Variants in PCBP3 observed in about 807,000 individuals in gnomAD.
PCBP3 encodes the protein poly(rC) binding protein 3.
PCBP3 carries 25 observed loss-of-function variants against 52.7 expected under a neutral mutation model. The observed-to-expected ratio is 0.47, with a 90% confidence interval of 0.35 to 0.66. The LOEUF is 0.66. Among genes scored for constraint, PCBP3 ranks in the 30% least tolerant of loss-of-function variants. PCBP3 has a pLI of 0.01. For missense variants in PCBP3, 391 were observed against 490.3 expected (o/e 0.80, Z 1.91); for synonymous variants, 162 against 183.0 (o/e 0.89, Z 0.93).
chr21:45,662,247 A>G (rs1284012402), intron 1 of PCBP3, among the ~76,000 whole-genome samples: 2 of 147,394 alleles, frequency 1.4e-5, no homozygotes, highest in Non-Finnish European at 3.0e-5. Flanking sequence ...AGTTGGGACT[A>G]CAGGTATGTG....
intron 2 of PCBP3, among the ~76,000 whole-genome samples, chr21:45,685,222 A>G (rs1388193726): frequency 6.6e-6 from 1 of 152,192 alleles, no homozygotes; most frequent in Non-Finnish European, 1.5e-5. Flanking sequence ...TAACATGGGG[A>G]ATGGGTTTTA....
Position 45,837,293 on chromosome 21 carries a change from G to A in PCBP3, c.-125-12668G>A, listed in dbSNP as rs953477804. The stretch of plus-strand genomic sequence containing the variant: ...GTGCTGTGACTTTGATGCACCTCCC[G>A]CCAGGGAGGGGATCGTGACCCTCCC... On this transcript the variant is annotated intron_variant, in intron 4 of 17. Transcript: ENST00000681687. The surrounding 1 kb of genome is among the most constrained non-coding windows in gnomAD (Gnocchi z 4.1). Among the ~76,000 whole-genome samples the A allele has an allele frequency of 1.3e-5, 2 of 152,172 alleles. No homozygotes were observed. The highest frequency in any genetic ancestry group is 2.4e-5 in the African/African-American group (1 of 41,446).
intron 1 of PCBP3, among the ~76,000 whole-genome samples, chr21:45,651,363 A>G (rs2079672489): frequency 1.3e-5 from 2 of 152,218 alleles, no homozygotes; most frequent in Admixed American, 6.5e-5. Flanking sequence ...TTGTGTAGAA[A>G]AATTGGAAGA....
intron 1 of PCBP3, among the ~76,000 whole-genome samples, chr21:45,650,909 T>C (rs76354330): frequency 0.026 from 3,930 of 152,192 alleles, 185 homozygotes; most frequent in African/African-American, 0.09. Context: ...CATACCTAAT[T>C]TCAGATGGGG....
chr21:45,862,029 C>A (rs2094528914), intron 5 of PCBP3, among the ~76,000 whole-genome samples: 1 of 152,120 alleles, frequency 6.6e-6, no homozygotes, highest in Non-Finnish European at 1.5e-5. Context: ...AACGCTGTGT[C>A]CCCATGGTGG....
At chr21:45,694,158 C>CA in intron 2 of PCBP3, among the ~76,000 whole-genome samples, 1 of 151,944 alleles carries the variant, frequency 6.6e-6, no homozygotes, top group African/African-American at 2.4e-5. Flanking sequence ...ATAAAGTAAC[C>CA]AAAGAACCAC....
intron 15 of PCBP3, among the ~76,000 whole-genome samples, chr21:45,933,928 A>G (rs2076592793): frequency 6.6e-6 from 1 of 151,970 alleles, no homozygotes; most frequent in African/African-American, 2.4e-5. Context: ...GGTGGTGGGG[A>G]GGAACAGGAG....
intron 14 of PCBP3, among the ~76,000 whole-genome samples, chr21:45,930,492 A>G (rs1488238777): frequency 6.6e-6 from 1 of 152,174 alleles, no homozygotes; most frequent in Non-Finnish European, 1.5e-5. Context: ...AGTCGCTGTC[A>G]TGAGGCCATC....
chr21:45,937,963 G>T lies in PCBP3; in HGVS notation c.910-2067G>T, dbSNP rs184985813. Among the ~76,000 whole-genome samples the T allele has an allele frequency of 3.6e-3, 544 of 152,384 alleles. 3 individuals carry two copies. Among genetic ancestry groups the T allele is most frequent in the African/African-American group, 0.013 (530 of 41,590 alleles). On this transcript the variant is annotated intron_variant, in intron 16 of 17. Coordinates refer to ENST00000681687, the MANE Select transcript of PCBP3 (RefSeq NM_001384156.1). ...GACCCCACAGCTGTGTGCAGAGGAG[G>T]GGAAAGGCCTGTGGCAAAGGCAGCA...
intron 5 of PCBP3, among the ~76,000 whole-genome samples, chr21:45,874,285 G>A (rs1474917797): frequency 6.6e-6 from 1 of 152,192 alleles, no homozygotes; most frequent in Non-Finnish European, 1.5e-5. Context: ...GCTTGTCTAT[G>A]GAATTAATCT....
At chr21:45,914,325 A>C (rs1350356813) in intron 12 of PCBP3, 11 of 511,378 alleles carry the variant, frequency 2.2e-5, no homozygotes, top group East Asian at 3.4e-5. Context: ...GGAAGCTTAG[A>C]TAGCCGGCGC....
chr21:45,877,076 G>T (rs908049933), intron 5 of PCBP3, among the ~76,000 whole-genome samples: 1 of 152,240 alleles, frequency 6.6e-6, no homozygotes, highest in Non-Finnish European at 1.5e-5. Context: ...CCATCCCCCA[G>T]CAAACAAGCC....
In PCBP3 at chr21:45,750,877, T is replaced by TGG. The variant is rs1603380848; in HGVS notation, c.-161-4539_-161-4538insGG. 6.3e-5 allele frequency: 8 copies of TGG among 127,590 alleles called. No individual in the cohort carries two copies. The East Asian group carries it at 2.4e-3, about 38-fold the overall frequency. The allele number at this position is 127,590 out of a possible 1,614,324, so 7.9% of individuals were successfully genotyped here. A position where few individuals can be genotyped will look rare whatever the true frequency, so the allele number is the denominator to read the frequency against. ...CTGTGTAAGCATACATACATGTAAGTGTGTGTGTGTGTGTGTGTGTATATA... is the reference window on the plus strand; with the variant it reads ...CTGTGTAAGCATACATACATGTAAGTGGGTGTGTGTGTGTGTGTGTGTATATA... On this transcript the variant is annotated intron_variant, in intron 3 of 17. Coordinates refer to ENST00000681687, the MANE Select transcript of PCBP3 (RefSeq NM_001384156.1).
intron 5 of PCBP3, among the ~76,000 whole-genome samples, chr21:45,870,325 G>A (rs998282134): frequency 2.0e-5 from 3 of 152,278 alleles, no homozygotes; most frequent in African/African-American, 7.2e-5. Context: ...TGAAAGAAAT[G>A]ATTTGCTAAT....
chr21:45,645,892 A>T (rs556639666), intron 1 of PCBP3, among the ~76,000 whole-genome samples: 10 of 152,328 alleles, frequency 6.6e-5, no homozygotes, highest in African/African-American at 2.4e-4. Flanking sequence ...ACCAAGGAAA[A>T]TACTTGCTCA....
intron 1 of PCBP3, among the ~76,000 whole-genome samples, chr21:45,659,055 GA>G (rs2080208168): frequency 6.8e-6 from 1 of 148,098 alleles, no homozygotes; most frequent in Admixed American, 6.7e-5. Context: ...GGTCATTCTA[GA>G]TAAAAGTTTG....
rs1447404586 is a variant in PCBP3, at chr21:45,926,590, C to G, written c.718-3327C>G. ...ATCCCTCACACAGGAAGGAAGCCGT[C>G]TATGAGACTTGGACAGGACAGAGCT... On this transcript the variant is annotated intron_variant, in intron 13 of 17. Coordinates refer to ENST00000681687, the MANE Select transcript of PCBP3 (RefSeq NM_001384156.1). 2.0e-5 allele frequency among the ~76,000 whole-genome samples: 3 copies of G among 152,116 alleles called. No homozygotes were observed. In the East Asian group the frequency reaches 5.8e-4, roughly 29 times the overall value.
At chr21:45,887,297 T>C (rs2148871123) in intron 5 of PCBP3, among the ~76,000 whole-genome samples, 1 of 152,356 alleles carries the variant, frequency 6.6e-6, no homozygotes, top group East Asian at 1.9e-4. Context: ...CACTGTGTGC[T>C]CCATTTCCCA....
At chr21:45,666,297 G>T (rs1047003649) in intron 1 of PCBP3, among the ~76,000 whole-genome samples, 14 of 152,104 alleles carry the variant, frequency 9.2e-5, no homozygotes, top group Admixed American at 2.0e-4. Flanking sequence ...GAAATAAAAG[G>T]CATCCATTTT....
Sources: gnomAD v4.1 joint callset for allele counts (sites outside exome capture counted in the v4.1 genomes callset) on GRCh38, gnomAD v4.1.1 for gene constraint, Gnocchi (gnomAD v3.1) non-coding constraint, MANE v1.5 for transcripts, NCBI Gene and HGNC (gene_info 2026-07-23, HGNC 2026-07-21) for gene names.